FRMPD2: variants seen among roughly 807,000 people sequenced by gnomAD.
The protein encoded by FRMPD2 is FERM and PDZ domain containing 2.
In FRMPD2, 96 loss-of-function variants were observed where a neutral mutation model predicts 140.1. The ratio of observed to expected loss-of-function variants is 0.69; its 90% confidence interval spans 0.58 to 0.81. The LOEUF (loss-of-function observed/expected upper bound fraction) is 0.81. Ranked by LOEUF, FRMPD2 falls within the 40% of genes least tolerant of loss-of-function variation. FRMPD2 has a pLI of 0.00. For missense variants in FRMPD2, 1,240 were observed against 1,447.4 expected, an observed-to-expected ratio of 0.86 and a Z score of 2.32; for synonymous variants, 449 against 547.6, an observed-to-expected ratio of 0.82 and a Z score of 2.52.
At chr10:48,184,530 A>C in intron 20 of FRMPD2, 36 bp downstream of exon 20, 2 of 1,274,072 alleles carry the variant, frequency 1.6e-6, no homozygotes, top group Non-Finnish European at 2.3e-6. Flanking sequence ...AAAACAGGGG[A>C]GCCTCTTAAG....
In FRMPD2 at chr10:48,242,346, G is replaced by A; in HGVS notation, c.382C>T (p.Gln128Ter). The A allele has an allele frequency of 6.2e-7, 1 of 1,612,434 alleles. No homozygotes were observed. The highest frequency in any genetic ancestry group is 8.5e-7 in the Non-Finnish European group (1 of 1,178,862). The part of the protein sequence containing the change: ...GFHVPPHQPL[Q>*]LCEPLHSILL... ...ATGGAGTGCAGGGGCTCGCAGAGCT[G>A]CAGGGGCTGGAGGCAGACAGGGCCG... Residue 128 changes from glutamine (Q) to a stop codon, truncating the protein, a stop_gained, in exon 5 of 29, where the codon CAG becomes TAG. Coordinates refer to ENST00000374201, the MANE Select transcript of FRMPD2 (RefSeq NM_001018071.4). LOFTEE classifies it high-confidence loss of function.
intron 14 of FRMPD2, among the ~76,000 whole-genome samples, chr10:48,202,309 G>A (rs994078619): frequency 5.3e-5 from 8 of 152,032 alleles, no homozygotes; most frequent in Non-Finnish European, 8.8e-5. Flanking sequence ...AAGGGCTTCC[G>A]GAAACCCCTG....
intron 1 of FRMPD2, among the ~76,000 whole-genome samples, chr10:48,258,724 T>C (rs905311563): frequency 3.3e-5 from 5 of 152,236 alleles, no homozygotes; most frequent in Non-Finnish European, 5.9e-5. Context: ...TACATCCCGT[T>C]TTCCCAGTGT....
rs562480241 is a variant in FRMPD2 at position 48,187,138 on chromosome 10, G to A, written c.2266+54C>T. The A allele has an allele frequency of 2.4e-6, 3 of 1,230,410 alleles. No homozygotes were observed. In the African/African-American group the frequency reaches 4.5e-5, roughly 19 times the overall value. 76.2% of individuals were successfully genotyped at this position (1,230,410 alleles called of 1,614,324 possible). ...AGTGGTGGTAAAAGACTCAAAGCAA[G>A]CTTCCTGCGTAGGGGTTCCTCCACC... On this transcript the variant is annotated intron_variant, in intron 17 of 28. Transcript: ENST00000374201.
At chr10:48,208,080 A>G (rs1839242338) in intron 13 of FRMPD2, among the ~76,000 whole-genome samples, 1 of 152,122 alleles carries the variant, frequency 6.6e-6, no homozygotes, top group African/African-American at 2.4e-5. Flanking sequence ...CATCATCAAT[A>G]TCCTTATCAT....
chr10:48,202,094 C>T (rs1250463520), intron 14 of FRMPD2, among the ~76,000 whole-genome samples: 3 of 151,870 alleles, frequency 2.0e-5, no homozygotes, highest in Non-Finnish European at 4.4e-5. Flanking sequence ...ATGAGGCTAC[C>T]TGTATAGAGC....
Position 48,249,529 on chromosome 10 carries a change from C to T in FRMPD2, c.152-351G>A, listed in dbSNP as rs541137809. 2.0e-5 allele frequency among the ~76,000 whole-genome samples: 3 copies of T among 152,264 alleles called. No homozygotes were observed. In the South Asian group the frequency reaches 6.2e-4, roughly 32 times the overall value. ...AAGGCAGCTGGTCTTCTGGGAGCTC[C>T]GTAGCTGTTCATCAGAACCTCCAGG... On this transcript the variant is annotated intron_variant, in intron 2 of 28. Transcript: ENST00000374201.
chr10:48,251,781 G>A, intron 1 of FRMPD2, 90 bp from the exon 2 acceptor site: 1 of 1,496,600 alleles, frequency 6.7e-7, no homozygotes, highest in Non-Finnish European at 9.2e-7. Flanking sequence ...AGCCAGGCAT[G>A]GTCTGGCCAC....
chr10:48,272,522 A>G (rs537569357), intron 1 of FRMPD2, among the ~76,000 whole-genome samples: 1 of 152,384 alleles, frequency 6.6e-6, no homozygotes, highest in Admixed American at 6.5e-5. Context: ...TGATGGAAAT[A>G]CTGTGTAATG....
intron 3 of FRMPD2, among the ~76,000 whole-genome samples, chr10:48,245,699 T>C (rs1413102708): frequency 6.6e-6 from 1 of 152,200 alleles, no homozygotes; most frequent in African/African-American, 2.4e-5. Flanking sequence ...CGTAGGTACT[T>C]TAATTGTCCC....
chr10:48,258,508 G>T (rs1016775869), intron 1 of FRMPD2, among the ~76,000 whole-genome samples: 3 of 152,160 alleles, frequency 2.0e-5, no homozygotes, highest in African/African-American at 7.2e-5. Flanking sequence ...TCTACAAAAC[G>T]GAGATGCTGA....
intron 1 of FRMPD2, among the ~76,000 whole-genome samples, chr10:48,261,099 A>G (rs952965507): frequency 2.6e-5 from 4 of 152,308 alleles, no homozygotes; most frequent in East Asian, 3.9e-4. Flanking sequence ...TCCCAAATGG[A>G]AATGTGAAGA....
intron 21 of FRMPD2, chr10:48,178,897 C>G (rs1838476326): frequency 6.6e-6 from 1 of 152,364 alleles, no homozygotes; most frequent in African/African-American, 2.4e-5. Context: ...CCTGAGAGAG[C>G]TTGGGTGTGC....
At chr10:48,221,374 C>T (rs1564429602) in intron 12 of FRMPD2, among the ~76,000 whole-genome samples, 1 of 152,202 alleles carries the variant, frequency 6.6e-6, no homozygotes, top group East Asian at 1.9e-4. Flanking sequence ...CTCATAAGTG[C>T]GAGCTAAGCT....
chr10:48,213,170 C>T (rs746667277), intron 12 of FRMPD2, among the ~76,000 whole-genome samples: 16 of 152,160 alleles, frequency 1.1e-4, no homozygotes, highest in African/African-American at 1.7e-4. Context: ...TAGCATGTCC[C>T]CATGTGGCCA....
At chr10:48,239,415 C>A (rs919283175) in intron 7 of FRMPD2, among the ~76,000 whole-genome samples, 190 bp downstream of exon 7, 1 of 152,252 alleles carries the variant, frequency 6.6e-6, no homozygotes, top group African/African-American at 2.4e-5. Flanking sequence ...CAGCTGCCAC[C>A]AGGCCCCTCA....
chr10:48,216,048 T>C (rs535254483), intron 12 of FRMPD2, among the ~76,000 whole-genome samples: 1 of 152,358 alleles, frequency 6.6e-6, no homozygotes, highest in South Asian at 2.1e-4. Flanking sequence ...GCAGCTCCTC[T>C]CTGCCTGACT....
intron 10 of FRMPD2, among the ~76,000 whole-genome samples, chr10:48,230,346 A>C (rs186700565): frequency 6.6e-6 from 1 of 152,372 alleles, no homozygotes; most frequent in African/African-American, 2.4e-5. Flanking sequence ...AAAATTGGTT[A>C]TATTACTAAG....
Position 48,249,080 on chromosome 10 carries a change from A to G in FRMPD2, c.250T>C (p.Phe84Leu), listed in dbSNP as rs1439416867. ...GRVSHIEAAP[F>L]KAPELLQGQS... is the part of the protein sequence containing the mutation. ...CCCTGTAGCAGTTCAGGGGCCTTGA[A>G]AGGAGCAGCCTCTATATGAGAAACA... Residue 84 changes from phenylalanine (F) to leucine (L), a missense_variant, in exon 3 of 29, where the codon TTC becomes CTC. Phe to Leu is a conservative substitution (Grantham distance 22, BLOSUM62 0). Coordinates refer to ENST00000374201, the MANE Select transcript of FRMPD2 (RefSeq NM_001018071.4). 6.2e-7 allele frequency: 1 copy of G among 1,613,966 alleles called. No homozygotes were observed. The highest frequency in any genetic ancestry group is 1.1e-5 in the South Asian group (1 of 91,056).
Sources: allele counts gnomAD v4.1 joint callset (sites outside exome capture counted in the v4.1 genomes callset), GRCh38; gene constraint gnomAD v4.1.1; transcripts MANE v1.5; gene names NCBI Gene and HGNC (gene_info 2026-07-23, HGNC 2026-07-21).